Variants in PEBP4 observed in about 807,000 individuals in gnomAD.
PEBP4 encodes phosphatidylethanolamine binding protein 4.
In PEBP4, 22 loss-of-function variants were observed where a neutral mutation model predicts 23.9. The observed-to-expected ratio is 0.92, with a 90% CI of 0.66 to 1.31. The LOEUF (loss-of-function observed/expected upper bound fraction) is 1.31. Among genes scored for constraint, PEBP4 ranks in the 40% most tolerant of loss-of-function variants. PEBP4 has a pLI of 0.00. For missense variants in PEBP4, 324 were observed against 281.7 expected (o/e 1.15, Z -1.07); for synonymous variants, 112 against 99.3 (o/e 1.13, Z -0.76).
intron 4 of PEBP4, among the ~76,000 whole-genome samples, chr8:22,786,335 T>C (rs1806026496): frequency 6.6e-6 from 1 of 152,130 alleles, no homozygotes; most frequent in East Asian, 1.9e-4. Flanking sequence ...CAGGCTGGAG[T>C]ACAGTGGTGT....
At chr8:22,903,517 A>AGT (rs1378228718) in intron 3 of PEBP4, among the ~76,000 whole-genome samples, 1 of 152,206 alleles carries the variant, frequency 6.6e-6, no homozygotes, top group Non-Finnish European at 1.5e-5. Context: ...CAGAGGCAGC[A>AGT]GTTCCTGAAT....
At chr8:22,733,885 A>T (rs1157131175) in intron 4 of PEBP4, among the ~76,000 whole-genome samples, 1 of 151,010 alleles carries the variant, frequency 6.6e-6, no homozygotes, top group Admixed American at 6.6e-5. Flanking sequence ...AGAGTCCCTA[A>T]CTTGAAAGGT....
rs934627658 is a variant in PEBP4 at position 22,920,183 on chromosome 8, C to T, written c.258+1G>A. 6.2e-6 allele frequency: 10 copies of T among 1,611,198 alleles called. No homozygotes were observed. The Admixed American group carries it at 6.7e-5, about 11-fold the overall frequency. On this transcript the variant is annotated splice_donor_variant, in intron 3 of 6. Coordinates refer to ENST00000256404, the MANE Select transcript of PEBP4 (RefSeq NM_144962.3). LOFTEE classifies it high-confidence loss of function. ...GCTTTAACACAGCCCTGCTCACTCA[C>T]GTCCACGGCCCCCGGGAACTTGACT...
chr8:22,829,907 C>T (rs1168178206), intron 3 of PEBP4, among the ~76,000 whole-genome samples: 1 of 152,198 alleles, frequency 6.6e-6, no homozygotes, highest in Non-Finnish European at 1.5e-5. Context: ...GCTTCTGCTG[C>T]AGCCCTTGCT....
chr8:22,925,846 A>G (rs1168602713), intron 2 of PEBP4, among the ~76,000 whole-genome samples: 1 of 152,210 alleles, frequency 6.6e-6, no homozygotes, highest in Non-Finnish European at 1.5e-5. Flanking sequence ...TCAGAGCGAG[A>G]AGCCTGCCAG....
intron 3 of PEBP4, among the ~76,000 whole-genome samples, chr8:22,864,311 C>T (rs1807838640): frequency 6.6e-6 from 1 of 152,152 alleles, no homozygotes; most frequent in South Asian, 2.1e-4. Flanking sequence ...TTATAACATT[C>T]TCGGCAGAAA....
At chr8:22,769,736 T>C (rs1805681291) in intron 4 of PEBP4, among the ~76,000 whole-genome samples, 1 of 152,214 alleles carries the variant, frequency 6.6e-6, no homozygotes, top group African/African-American at 2.4e-5. Context: ...CCAGCATATG[T>C]CCCTTCTTTT....
rs572945087 is a variant in PEBP4, at chr8:22,782,129, C to T, written c.357+35508G>A. ...GTGCTTGGGAAACTGAGACTTGAGA[C>T]GGGAATGAGCATGGGTAGGGGAGAG... is the stretch of plus-strand genomic sequence containing the variant. On this transcript the variant is annotated intron_variant, in intron 4 of 6. Transcript: ENST00000256404. Among the ~76,000 whole-genome samples the T allele has an allele frequency of 1.8e-4, 28 of 152,196 alleles. No individual in the cohort carries two copies. The South Asian group carries it at 2.1e-3, about 11-fold the overall frequency.
chr8:22,773,131 C>T (rs888168298), intron 4 of PEBP4, among the ~76,000 whole-genome samples: 2 of 150,790 alleles, frequency 1.3e-5, no homozygotes, highest in Non-Finnish European at 2.9e-5. Flanking sequence ...CACAGTATGA[C>T]AGACACCAGC....
At chr8:22,805,878 C>CTGAA (rs59038661) in intron 4 of PEBP4, among the ~76,000 whole-genome samples, 12,697 of 151,304 alleles carry the variant, frequency 0.084, 1,322 homozygotes, top group African/African-American at 0.25. Flanking sequence ...TAAGCACATG[C>CTGAA]TGAATGAATG....
At chr8:22,894,115 A>G (rs1808548813) in intron 3 of PEBP4, among the ~76,000 whole-genome samples, 1 of 152,184 alleles carries the variant, frequency 6.6e-6, no homozygotes, top group Admixed American at 6.5e-5. Context: ...TTGATTATCA[A>G]GTGTGATTAC....
intron 1 of PEBP4, among the ~76,000 whole-genome samples, chr8:22,938,915 T>C (rs1428684712): frequency 1.3e-5 from 2 of 152,190 alleles, no homozygotes; most frequent in Non-Finnish European, 2.9e-5. Flanking sequence ...ATAAAAACCG[T>C]ATGCTGTAAA....
intron 4 of PEBP4, among the ~76,000 whole-genome samples, chr8:22,811,081 T>TTC (rs1044442326): frequency 6.6e-6 from 1 of 151,714 alleles, no homozygotes; most frequent in Middle Eastern, 3.4e-3. Flanking sequence ...CTCTCTTTCT[T>TTC]TCTCTCTCTC....
intron 2 of PEBP4, among the ~76,000 whole-genome samples, chr8:22,922,960 G>A (rs1563262835): frequency 6.6e-6 from 1 of 152,120 alleles, no homozygotes; most frequent in African/African-American, 2.4e-5. Flanking sequence ...GGGGATGAAG[G>A]GCATGACTTT....
At chr8:22,739,485 A>G (rs568573621) in intron 4 of PEBP4, among the ~76,000 whole-genome samples, 2 of 152,134 alleles carry the variant, frequency 1.3e-5, no homozygotes, top group East Asian at 3.9e-4. Flanking sequence ...AAGCGAGGGG[A>G]CCAATACACT....
intron 3 of PEBP4, among the ~76,000 whole-genome samples, chr8:22,851,836 G>T (rs118159051): frequency 2.0e-5 from 3 of 152,112 alleles, no homozygotes; most frequent in South Asian, 2.1e-4. Flanking sequence ...ATTGAGTTAA[G>T]TGGAAAATGG....
At chr8:22,842,549 T>A (rs562790508) in intron 3 of PEBP4, among the ~76,000 whole-genome samples, 1 of 152,310 alleles carries the variant, frequency 6.6e-6, no homozygotes, top group East Asian at 1.9e-4. Context: ...GGGAGAACCT[T>A]AAAAACCTGA....
chr8:22,812,339 A>G (rs763810242), intron 4 of PEBP4, among the ~76,000 whole-genome samples: 3 of 152,194 alleles, frequency 2.0e-5, no homozygotes, highest in Non-Finnish European at 4.4e-5. Flanking sequence ...TGGAAGCGGC[A>G]GAGCCTGGAA....
At chr8:22,788,528 C>A (rs546592451) in intron 4 of PEBP4, among the ~76,000 whole-genome samples, 1 of 152,240 alleles carries the variant, frequency 6.6e-6, no homozygotes, top group East Asian at 1.9e-4. Flanking sequence ...ACCCATACTG[C>A]GAGGAGTACC....
Sources: gnomAD v4.1 joint callset for allele counts (sites outside exome capture counted in the v4.1 genomes callset) on GRCh38, gnomAD v4.1.1 for gene constraint, MANE v1.5 for transcripts, NCBI Gene and HGNC (gene_info 2026-07-23, HGNC 2026-07-21) for gene names.